Variants in PSD3 observed in about 807,000 individuals in gnomAD.
PSD3 encodes pleckstrin and Sec7 domain containing 3.
PSD3 carries 49 observed loss-of-function variants against 105.5 expected under a neutral mutation model. The observed-to-expected ratio is 0.46, with a 90% confidence interval of 0.37 to 0.59. The LOEUF (loss-of-function observed/expected upper bound fraction) is 0.59, where lower values mean the gene tolerates loss of function less well. Ranked by LOEUF, PSD3 falls within the 20% of genes least tolerant of loss-of-function variation. PSD3 has a pLI of 0.00. For missense variants in PSD3, 1,561 were observed against 1,263.8 expected (o/e 1.24, Z -3.57); for synonymous variants, 557 against 457.8 (o/e 1.22, Z -2.77).
At chr8:18,550,322 G>A (rs1342187256) in intron 15 of PSD3, among the ~76,000 whole-genome samples, 1 of 152,168 alleles carries the variant, frequency 6.6e-6, no homozygotes, top group South Asian at 2.1e-4. Flanking sequence ...AAAATTCAGA[G>A]CTCTTAGTCC....
chr8:18,655,498 C>T (rs1808823422), intron 10 of PSD3, 144 bp downstream of exon 10: 1 of 768,268 alleles, frequency 1.3e-6, no homozygotes, highest in East Asian at 2.6e-5. Flanking sequence ...TTGTATAAAG[C>T]CACAAAGTAG....
At chr8:18,862,748 T>C (rs1253353567) in intron 4 of PSD3, among the ~76,000 whole-genome samples, 1 of 152,032 alleles carries the variant, frequency 6.6e-6, no homozygotes, top group Non-Finnish European at 1.5e-5. Flanking sequence ...CAAATCGCAC[T>C]TCAACAAATT....
intron 11 of PSD3, among the ~76,000 whole-genome samples, chr8:18,614,348 C>A (rs566090203): frequency 1.4e-4 from 21 of 150,724 alleles, no homozygotes; most frequent in Non-Finnish European, 2.7e-4. Context: ...CATCCCCCCC[C>A]CAAAAAAATC....
intron 4 of PSD3, among the ~76,000 whole-genome samples, chr8:18,805,925 C>G (rs1206953680): frequency 1.3e-5 from 2 of 152,212 alleles, no homozygotes; most frequent in Middle Eastern, 3.4e-3. Flanking sequence ...TGCCAATAAC[C>G]ATAGTTTGTC....
chr8:19,084,139 C>T, intron 1 of PSD3: 1 of 383,272 alleles, frequency 2.6e-6, no homozygotes, highest in Non-Finnish European at 5.3e-6. Context: ...AAATTGGAGG[C>T]CAGGGTGGCA....
intron 12 of PSD3, among the ~76,000 whole-genome samples, chr8:18,579,057 C>A (rs557655926): frequency 6.7e-6 from 1 of 149,996 alleles, no homozygotes; most frequent in African/African-American, 2.5e-5. Flanking sequence ...AAAATATTTT[C>A]AGCATTCTGA....
chr8:18,682,820 G>C (rs1174769847), intron 9 of PSD3, among the ~76,000 whole-genome samples: 5 of 152,058 alleles, frequency 3.3e-5, no homozygotes, highest in African/African-American at 1.2e-4. Flanking sequence ...AGTGGTGGGA[G>C]GGTGAAGAAA....
chr8:19,049,400 G>C (rs1234528685), intron 1 of PSD3, among the ~76,000 whole-genome samples: 1 of 152,142 alleles, frequency 6.6e-6, no homozygotes, highest in East Asian at 1.9e-4. Flanking sequence ...CTATGAGAAA[G>C]GATGATGTGC....
chr8:18,741,693 C>T (rs139040304), intron 9 of PSD3, among the ~76,000 whole-genome samples: 20 of 151,310 alleles, frequency 1.3e-4, no homozygotes, highest in Non-Finnish European at 2.6e-4. Flanking sequence ...GTCCTATCAG[C>T]GGCATGCTGC....
chr8:18,585,997 G>T (rs1394354078), intron 12 of PSD3, among the ~76,000 whole-genome samples: 1 of 151,982 alleles, frequency 6.6e-6, no homozygotes, highest in Non-Finnish European at 1.5e-5. Flanking sequence ...ATTTTCCTAG[G>T]GGGATCTGAG....
At chr8:18,750,204 TCTCA>T (rs1805358087) in intron 9 of PSD3, among the ~76,000 whole-genome samples, 1 of 152,212 alleles carries the variant, frequency 6.6e-6, no homozygotes, top group African/African-American at 2.4e-5. Flanking sequence ...GGGTTCTTGG[TCTCA>T]CTGACTTCAA....
At chr8:18,966,196 C>T (rs536885969) in intron 1 of PSD3, among the ~76,000 whole-genome samples, 1 of 152,302 alleles carries the variant, frequency 6.6e-6, no homozygotes, top group African/African-American at 2.4e-5. Context: ...AATTAAGCAG[C>T]TGTATACCAC....
chr8:18,607,420 C>T (rs10102929), intron 11 of PSD3, among the ~76,000 whole-genome samples: 74,904 of 151,950 alleles, frequency 0.49, 18,539 homozygotes, highest in African/African-American at 0.52. Flanking sequence ...GAGGGATCCA[C>T]GGTTATAACC....
chr8:18,614,130 G>A (rs189618440), intron 11 of PSD3, among the ~76,000 whole-genome samples: 76 of 152,266 alleles, frequency 5.0e-4, no homozygotes, highest in African/African-American at 1.8e-3. Context: ...TCATCCTGGG[G>A]TTTCCTCTAA....
chr8:19,054,086 G>A (rs1828624262), intron 1 of PSD3, among the ~76,000 whole-genome samples: 1 of 152,184 alleles, frequency 6.6e-6, no homozygotes, highest in Non-Finnish European at 1.5e-5. Context: ...TGCTAGACCA[G>A]GTCCCTGAAA....
At chr8:18,591,820 C>G (rs1803633917) in intron 12 of PSD3, among the ~76,000 whole-genome samples, 1 of 152,108 alleles carries the variant, frequency 6.6e-6, no homozygotes, top group Non-Finnish European at 1.5e-5. Flanking sequence ...TGGGTAGCTT[C>G]CTGCTCTAAA....
chr8:19,079,745 T>A (rs765362337), intron 1 of PSD3, among the ~76,000 whole-genome samples: 1 of 152,204 alleles, frequency 6.6e-6, no homozygotes, highest in Non-Finnish European at 1.5e-5. Context: ...AAGCACTGAC[T>A]CTTTCATACC....
rs540406027 is a variant in PSD3, at chr8:18,885,948, C to G, written c.131-13215G>C. On this transcript the variant is annotated intron_variant, in intron 2 of 15. Coordinates refer to ENST00000327040, the MANE Select transcript of PSD3 (RefSeq NM_015310.4). ...GTTTCCAGAACATTTTTGGTGCTAC[C>G]TTTGAGCTAACCTTGTTCCCTTCAA... Among the ~76,000 whole-genome samples, 10 of 152,242 alleles carry G rather than the reference C, an allele frequency of 6.6e-5. No homozygotes were observed. In the South Asian group the frequency reaches 2.1e-3, roughly 32 times the overall value.
intron 9 of PSD3, among the ~76,000 whole-genome samples, chr8:18,728,047 G>A (rs1358697254): frequency 6.6e-6 from 1 of 151,544 alleles, no homozygotes; most frequent in Non-Finnish European, 1.5e-5. Context: ...ATGAATGAAT[G>A]ATTTTATGAA....
Sources: gnomAD v4.1 joint callset for allele counts (sites outside exome capture counted in the v4.1 genomes callset) on GRCh38, gnomAD v4.1.1 for gene constraint, MANE v1.5 for transcripts, NCBI Gene and HGNC (gene_info 2026-07-23, HGNC 2026-07-21) for gene names.